UGGT2: variants seen among roughly 807,000 people sequenced by gnomAD.
UGGT2 encodes UDP-glucose:glycoprotein glucosyltransferase 2.
Under a neutral mutation model 192.1 loss-of-function variants are expected in UGGT2, and 180 were observed. The ratio of observed to expected loss-of-function variants is 0.94; its 90% CI spans 0.83 to 1.06. The LOEUF is 1.06. Ranked by LOEUF, UGGT2 falls within the 50% of genes least tolerant of loss-of-function variation. UGGT2 has a pLI of 0.00. For missense variants in UGGT2, 1,849 were observed against 1,795.7 expected (o/e 1.03, Z -0.54); for synonymous variants, 580 against 591.0 (o/e 0.98, Z 0.27).
chr13:95,964,730 C>G (rs1353386594), intron 12 of UGGT2, among the ~76,000 whole-genome samples: 3 of 151,946 alleles, frequency 2.0e-5, no homozygotes, highest in African/African-American at 4.8e-5. Context: ...CAACAAAAGC[C>G]AAAATTGACA....
Position 95,970,201 on chromosome 13 carries a change from T to G in UGGT2, c.1246A>C (p.Asn416His), listed in dbSNP as rs2140777666. 6.2e-7 allele frequency: 1 copy of G among 1,613,308 alleles called. No individual in the cohort carries two copies. The highest frequency in any genetic ancestry group is 2.2e-5 in the East Asian group (1 of 44,792). Reference protein sequence around the residue: ...MMNGLRNLGINGEDMSKFLKL... With the variant: ...MMNGLRNLGIHGEDMSKFLKL... ...AAAAATTTGCTCATATCTTCCCCAT[T>G]GATCCCAAGATTGCGAAGGCCATTC... The change falls in exon 12 of 39, where the codon AAT becomes CAT. Residue 416 changes from asparagine (N) to histidine (H), a missense_variant. Transcript: ENST00000376747.
chr13:95,909,265 G>C (rs1456017891), intron 20 of UGGT2, among the ~76,000 whole-genome samples: 7 of 152,048 alleles, frequency 4.6e-5, no homozygotes, highest in African/African-American at 7.2e-5. Flanking sequence ...TATACCCAAA[G>C]GACTATGAAT....
chr13:95,875,077 GCTC>G (rs552606889), intron 29 of UGGT2, among the ~76,000 whole-genome samples: 2 of 152,164 alleles, frequency 1.3e-5, no homozygotes, highest in Non-Finnish European at 2.9e-5. Context: ...GTGAAAAACA[GCTC>G]CTGTTACTCC....
At chr13:96,010,745 A>C (rs1042360181) in intron 5 of UGGT2, among the ~76,000 whole-genome samples, 1 of 152,290 alleles carries the variant, frequency 6.6e-6, no homozygotes. Context: ...ATGCCAGCAA[A>C]ATGTTTTGTA....
At chr13:95,918,974 A>G (rs944450510) in intron 20 of UGGT2, among the ~76,000 whole-genome samples, 6 of 152,202 alleles carry the variant, frequency 3.9e-5, no homozygotes, top group Admixed American at 2.0e-4. Flanking sequence ...AATCCTCAAT[A>G]AACTACTAGC....
chr13:95,928,278 G>A (rs1458935029), intron 17 of UGGT2, among the ~76,000 whole-genome samples: 1 of 150,720 alleles, frequency 6.6e-6, no homozygotes, highest in African/African-American at 2.4e-5. Flanking sequence ...CCTGGACGGG[G>A]CGGCTGGCCG....
At chr13:95,877,439 G>T in intron 28 of UGGT2, 75 bp from the exon 29 acceptor site, 1 of 1,200,822 alleles carries the variant, frequency 8.3e-7, no homozygotes, top group South Asian at 1.6e-5. Context: ...ATACACGAAT[G>T]ATCTAAGAAA....
At chr13:95,861,906 C>T (rs983547533) in intron 31 of UGGT2, among the ~76,000 whole-genome samples, 1 of 152,026 alleles carries the variant, frequency 6.6e-6, no homozygotes, top group Non-Finnish European at 1.5e-5. Context: ...AGTTAACGTC[C>T]CAAAAACTTA....
At chr13:95,830,012 A>C (rs1054021782) in intron 38 of UGGT2, among the ~76,000 whole-genome samples, 12 of 152,244 alleles carry the variant, frequency 7.9e-5, no homozygotes, top group African/African-American at 2.7e-4. Context: ...CAAACCTGAC[A>C]AAAACAAGAA....
Position 95,877,723 on chromosome 13 carries a change from A to G in UGGT2, c.3362T>C (p.Val1121Ala), listed in dbSNP as rs906557574. ...ATGATGTGCCATCACTATTGTATCA[A>G]CCACAGCAGGTTTATTTTTTGTGCC... ...TLGTKNKPAV[V>A]DTIVMAHHGY... is the part of the protein sequence containing the mutation. The change falls in exon 28 of 39, where the codon GTT becomes GCT. Residue 1121 changes from valine (V) to alanine (A), a missense_variant. By Grantham distance (64) the Val-to-Ala change is moderately conservative. Coordinates refer to ENST00000376747, the MANE Select transcript of UGGT2 (RefSeq NM_020121.4). The G allele has an allele frequency of 4.3e-6, 7 of 1,613,836 alleles. No homozygotes were observed. The highest frequency in any genetic ancestry group is 5.9e-6 in the Non-Finnish European group (7 of 1,179,942).
At chr13:95,904,655 A>G (rs1301260870) in intron 20 of UGGT2, among the ~76,000 whole-genome samples, 1 of 152,054 alleles carries the variant, frequency 6.6e-6, no homozygotes, top group Non-Finnish European at 1.5e-5. Context: ...ATAGAATTCC[A>G]TGGTGTATAT....
intron 8 of UGGT2, among the ~76,000 whole-genome samples, chr13:95,987,529 T>C (rs897403513): frequency 7.9e-5 from 12 of 152,090 alleles, no homozygotes; most frequent in African/African-American, 2.4e-5. Context: ...TTATACTTTT[T>C]AAAAAGTGCT....
intron 10 of UGGT2, among the ~76,000 whole-genome samples, chr13:95,975,383 G>A (rs2050904852): frequency 1.3e-5 from 2 of 152,252 alleles, no homozygotes; most frequent in South Asian, 4.1e-4. Context: ...TAACAGCATA[G>A]AAATTTGTCT....
intron 5 of UGGT2, 48 bp from the exon 6 acceptor site, chr13:95,999,355 C>T (rs1445586063): frequency 2.6e-6 from 4 of 1,557,896 alleles, no homozygotes; most frequent in East Asian, 2.2e-5. Context: ...GTTAGTCAAA[C>T]ATTTTGTTTT....
At chr13:96,033,446 G>T (rs9556520) in intron 1 of UGGT2, among the ~76,000 whole-genome samples, 59,752 of 151,818 alleles carry the variant, frequency 0.39, 11,990 homozygotes, top group Middle Eastern at 0.44. Flanking sequence ...ACATCCCTGT[G>T]CTTTTGGGGG....
chr13:96,032,108 C>A (rs543923632), intron 1 of UGGT2, 137 bp from the exon 2 acceptor site: 53 of 551,302 alleles, frequency 9.6e-5, no homozygotes, highest in Middle Eastern at 4.9e-4. Context: ...TTACTAATTT[C>A]CATTTACTAT....
At chr13:95,889,323 C>A (rs1239838706) in intron 25 of UGGT2, among the ~76,000 whole-genome samples, 2 of 152,130 alleles carry the variant, frequency 1.3e-5, no homozygotes, top group African/African-American at 4.8e-5. Context: ...GTTTGTCCTA[C>A]TCGTTTCATA....
chr13:95,993,451 T>C (rs2051518838), intron 7 of UGGT2, among the ~76,000 whole-genome samples: 1 of 152,132 alleles, frequency 6.6e-6, no homozygotes, highest in Non-Finnish European at 1.5e-5. Flanking sequence ...ACGTGATCTT[T>C]TGGAGAAAAT....
At chr13:95,888,374 T>A (rs1246935783) in intron 25 of UGGT2, among the ~76,000 whole-genome samples, 1 of 152,198 alleles carries the variant, frequency 6.6e-6, no homozygotes, top group East Asian at 1.9e-4. Flanking sequence ...GATTTGGAAG[T>A]TCTTGGCTAC....
Sources: gnomAD v4.1 joint callset for allele counts (sites outside exome capture counted in the v4.1 genomes callset) on GRCh38, gnomAD v4.1.1 for gene constraint, MANE v1.5 for transcripts, NCBI Gene and HGNC (gene_info 2026-07-23, HGNC 2026-07-21) for gene names.